The following CHSY3 variants were observed in gnomAD, a reference collection of about 807,000 sequenced individuals.
The protein encoded by CHSY3 is N-acetylgalactosaminyl-proteoglycan 3-beta-glucuronosyltransferase 3.
CHSY3 carries 35 observed loss-of-function variants against 67.2 expected under a neutral mutation model. The observed-to-expected ratio is 0.52, with a 90% CI of 0.40 to 0.69. The LOEUF is 0.69. Among genes scored for constraint, CHSY3 ranks in the 30% least tolerant of loss-of-function variants. CHSY3 has a pLI of 0.00. For missense variants in CHSY3, 1,069 were observed against 1,138.5 expected (o/e 0.94, Z 0.88); for synonymous variants, 474 against 434.7 (o/e 1.09, Z -1.12).
intron 2 of CHSY3, among the ~76,000 whole-genome samples, chr5:130,118,460 A>G (rs1256179347): frequency 6.6e-6 from 1 of 151,342 alleles, no homozygotes; most frequent in Non-Finnish European, 1.5e-5. Context: ...ACACACACAC[A>G]TATACACATA....
At chr5:130,108,306 A>T (rs1258385958) in intron 2 of CHSY3, among the ~76,000 whole-genome samples, 1 of 151,574 alleles carries the variant, frequency 6.6e-6, no homozygotes, top group South Asian at 2.1e-4. Flanking sequence ...AATTCCAGAG[A>T]GCCCTTTCAA....
At chr5:130,084,490 C>T (rs919819071) in intron 2 of CHSY3, among the ~76,000 whole-genome samples, 11 of 151,706 alleles carry the variant, frequency 7.3e-5, no homozygotes, top group African/African-American at 2.4e-4. Flanking sequence ...GTGACACAGC[C>T]CCAGAAGACC....
intron 2 of CHSY3, among the ~76,000 whole-genome samples, chr5:130,074,368 G>C (rs141539055): frequency 6.6e-6 from 1 of 152,158 alleles, no homozygotes; most frequent in Admixed American, 6.6e-5. Context: ...ACAGTGCCTG[G>C]CCATACAACT....
At chr5:130,080,560 T>A (rs1167643628) in intron 2 of CHSY3, among the ~76,000 whole-genome samples, 1 of 152,172 alleles carries the variant, frequency 6.6e-6, no homozygotes, top group Non-Finnish European at 1.5e-5. Context: ...AATTGTTTAA[T>A]GTAACTCTTG....
At chr5:130,124,235 T>C (rs56952192) in intron 2 of CHSY3, among the ~76,000 whole-genome samples, 16,721 of 151,948 alleles carry the variant, frequency 0.11, 1,135 homozygotes, top group African/African-American at 0.17. Flanking sequence ...AGGGCCAAAA[T>C]AGCTCCACAT....
At chr5:130,089,234 T>A (rs1386342407) in intron 2 of CHSY3, among the ~76,000 whole-genome samples, 24 of 33,912 alleles carry the variant, frequency 7.1e-4, no homozygotes, top group Admixed American at 4.6e-3. Context: ...GGGTGGGGGG[T>A]GGGGGGAGGG....
intron 2 of CHSY3, among the ~76,000 whole-genome samples, chr5:130,158,658 T>A (rs1309894640): frequency 1.3e-5 from 2 of 152,202 alleles, no homozygotes; most frequent in Non-Finnish European, 2.9e-5. Context: ...TTCTAAGTGG[T>A]GACCTTTTAT....
intron 2 of CHSY3, among the ~76,000 whole-genome samples, chr5:129,925,500 T>C (rs1366740888): frequency 6.6e-6 from 1 of 152,212 alleles, no homozygotes; most frequent in Non-Finnish European, 1.5e-5. Context: ...TTTTGATATA[T>C]GTATACATTA....
chr5:130,090,988 T>A (rs1766857966), intron 2 of CHSY3, among the ~76,000 whole-genome samples: 1 of 152,182 alleles, frequency 6.6e-6, no homozygotes, highest in East Asian at 1.9e-4. Flanking sequence ...TTCTTTCCTT[T>A]CAAATCTGTG....
chr5:130,018,838 A>G (rs992587924), intron 2 of CHSY3, among the ~76,000 whole-genome samples: 1 of 152,088 alleles, frequency 6.6e-6, no homozygotes, highest in African/African-American at 2.4e-5. Context: ...TAGGTCAGTG[A>G]GTTCTCACCC....
intron 2 of CHSY3, among the ~76,000 whole-genome samples, chr5:129,979,945 T>C (rs185405181): frequency 6.6e-6 from 1 of 152,322 alleles, no homozygotes; most frequent in Admixed American, 6.5e-5. Flanking sequence ...CTTTTAATGA[T>C]AGATAATATT....
intron 2 of CHSY3, among the ~76,000 whole-genome samples, chr5:129,985,931 G>C (rs1763186989): frequency 6.6e-6 from 1 of 152,114 alleles, no homozygotes; most frequent in South Asian, 2.1e-4. Flanking sequence ...GGGAGAGACT[G>C]TGGGATTTTC....
At chr5:130,065,869 C>T (rs900265311) in intron 2 of CHSY3, among the ~76,000 whole-genome samples, 2 of 152,082 alleles carry the variant, frequency 1.3e-5, no homozygotes, top group Non-Finnish European at 2.9e-5. Context: ...CCTCCCCTGT[C>T]GTATTGGTTC....
chr5:130,100,349 TA>T (rs1404991823), intron 2 of CHSY3, among the ~76,000 whole-genome samples: 1 of 96,772 alleles, frequency 1.0e-5, no homozygotes, highest in Non-Finnish European at 2.0e-5. Flanking sequence ...CATGCTTGGC[TA>T]TTTTTTTTTT....
chr5:130,032,654 C>G (rs1764735352), intron 2 of CHSY3, among the ~76,000 whole-genome samples: 1 of 152,070 alleles, frequency 6.6e-6, no homozygotes. Context: ...TTCAGTAGAC[C>G]ACTCTGAGGG....
intron 2 of CHSY3, among the ~76,000 whole-genome samples, chr5:130,134,356 A>T (rs1768590233): frequency 1.3e-5 from 2 of 152,224 alleles, no homozygotes; most frequent in Non-Finnish European, 2.9e-5. Flanking sequence ...AATATATTAT[A>T]AAAGTAAGAT....
At chr5:130,004,485 G>T (rs4336390) in intron 2 of CHSY3, among the ~76,000 whole-genome samples, 1 of 152,148 alleles carries the variant, frequency 6.6e-6, no homozygotes, top group Non-Finnish European at 1.5e-5. Flanking sequence ...GTATGTAAAT[G>T]CATAGAAGCA....
intron 2 of CHSY3, among the ~76,000 whole-genome samples, chr5:130,050,889 A>G (rs747474164): frequency 1.1e-4 from 16 of 152,110 alleles, no homozygotes; most frequent in Non-Finnish European, 2.1e-4. Flanking sequence ...CATTGTTGCT[A>G]TTAGCCATCA....
rs574789949 is a variant in CHSY3 at position 130,094,475 on chromosome 5, T to C, written c.1087-89754T>C. 7.2e-5 allele frequency among the ~76,000 whole-genome samples: 11 copies of C among 152,288 alleles called. No individual in the cohort carries two copies. The South Asian group carries it at 2.3e-3, about 32-fold the overall frequency. The stretch of plus-strand genomic sequence containing the variant: ...AATGCGCTATTTAATTCTAATTAAT[T>C]CCAAACCATATACAGGATATTGAAG... On this transcript the variant is annotated intron_variant, in intron 2 of 2. Transcript: ENST00000305031.
Sources: allele counts gnomAD v4.1 joint callset (sites outside exome capture counted in the v4.1 genomes callset), GRCh38; gene constraint gnomAD v4.1.1; transcripts MANE v1.5; gene names NCBI Gene and HGNC (gene_info 2026-07-23, HGNC 2026-07-21).